DYNC1I1: variants seen among roughly 807,000 people sequenced by gnomAD.
DYNC1I1 encodes the protein dynein cytoplasmic 1 intermediate chain 1, also known as cytoplasmic dynein 1 intermediate chain 1.
Under a neutral mutation model 86.6 loss-of-function variants are expected in DYNC1I1, and 43 were observed. The observed-to-expected ratio is 0.50, with a 90% CI of 0.39 to 0.64. The LOEUF is 0.64. DYNC1I1 is among the 30% of genes least tolerant of loss of function. The pLI is 0.00. For synonymous variants in DYNC1I1, 262 were observed against 283.7 expected (o/e 0.92, Z 0.77); for missense variants, 604 against 788.8 (o/e 0.77, Z 2.81).
intron 14 of DYNC1I1, among the ~76,000 whole-genome samples, chr7:96,053,306 G>A (rs917903803): frequency 6.6e-6 from 1 of 152,194 alleles, no homozygotes; most frequent in Non-Finnish European, 1.5e-5. Flanking sequence ...GTGTATTTCT[G>A]TAAATACATT....
intron 4 of DYNC1I1, among the ~76,000 whole-genome samples, chr7:95,825,380 TAGTTG>T (rs1442718173): frequency 6.6e-6 from 1 of 152,146 alleles, no homozygotes; most frequent in African/African-American, 2.4e-5. Flanking sequence ...GGAGGTCAAA[TAGTTG>T]ATCCTACTCC....
At chr7:96,026,144 G>T (rs1213875484) in intron 10 of DYNC1I1, among the ~76,000 whole-genome samples, 2 of 152,132 alleles carry the variant, frequency 1.3e-5, no homozygotes, top group Non-Finnish European at 2.9e-5. Context: ...TCATTATTGA[G>T]AGTTATTCTT....
chr7:95,869,023 A>T (rs1790090446), intron 5 of DYNC1I1, among the ~76,000 whole-genome samples: 1 of 152,222 alleles, frequency 6.6e-6, no homozygotes, highest in South Asian at 2.1e-4. Context: ...TCGAGTTGGT[A>T]GGAAAACAAC....
rs1794364659 is a variant in DYNC1I1 at position 96,014,833 on chromosome 7, G to A, written c.970-13342G>A. Among the ~76,000 whole-genome samples the A allele has an allele frequency of 2.0e-5, 3 of 152,136 alleles. No individual in the cohort carries two copies. The South Asian group carries it at 6.2e-4, about 32-fold the overall frequency. On this transcript the variant is annotated intron_variant, in intron 10 of 16. Coordinates refer to ENST00000447467, the MANE Select transcript of DYNC1I1 (RefSeq NM_001135556.2). ...GATTGGATGAAGCCCAAACACAACT[G>A]AGTTAGATGCATATTAAATTACCTC...
At chr7:95,817,277 C>A (rs554429254) in intron 4 of DYNC1I1, among the ~76,000 whole-genome samples, 10 of 151,864 alleles carry the variant, frequency 6.6e-5, no homozygotes, top group African/African-American at 2.4e-4. Flanking sequence ...AATGAGGACA[C>A]TGAGATGCGC....
Position 95,943,561 on chromosome 7 carries a change from G to A in DYNC1I1, c.491-33951G>A, listed in dbSNP as rs560296526. Among the ~76,000 whole-genome samples, 108 of 79,550 alleles carry A rather than the reference G, an allele frequency of 1.4e-3. 3 individuals are homozygous for A. The highest frequency in any genetic ancestry group is 5.7e-3 in the Middle Eastern group (1 of 176). 52.2% of individuals were successfully genotyped at this position (79,550 alleles called of 152,430 possible). A position where few individuals can be genotyped will look rare whatever the true frequency, so the allele number is the denominator to read the frequency against. On this transcript the variant is annotated intron_variant, in intron 6 of 16. Coordinates refer to ENST00000447467, the MANE Select transcript of DYNC1I1 (RefSeq NM_001135556.2). Reference sequence around the variant, plus strand: ...ATGGAACCAAAAAAGAGCCCGCATTGCCAAGTCAATCCTAAGCCAAAAGAA... The same window carrying A: ...ATGGAACCAAAAAAGAGCCCGCATTACCAAGTCAATCCTAAGCCAAAAGAA...
chr7:95,958,575 A>G (rs1421863486), intron 6 of DYNC1I1, among the ~76,000 whole-genome samples: 1 of 152,146 alleles, frequency 6.6e-6, no homozygotes, highest in African/African-American at 2.4e-5. Context: ...AAAAAAAGAA[A>G]AGAAAAGGAA....
chr7:96,053,448 T>C (rs1384991835), intron 14 of DYNC1I1, among the ~76,000 whole-genome samples: 1 of 152,198 alleles, frequency 6.6e-6, no homozygotes, highest in African/African-American at 2.4e-5. Context: ...TAATTGTTTT[T>C]AAATTTGGGG....
At chr7:95,939,938 A>G (rs1486897460) in intron 6 of DYNC1I1, among the ~76,000 whole-genome samples, 9 of 152,002 alleles carry the variant, frequency 5.9e-5, no homozygotes, top group Non-Finnish European at 1.0e-4. Context: ...GCTGGTACCA[A>G]TTGTTCCTTT....
At chr7:95,985,300 C>G (rs1199926473) in intron 8 of DYNC1I1, among the ~76,000 whole-genome samples, 1 of 152,026 alleles carries the variant, frequency 6.6e-6, no homozygotes, top group African/African-American at 2.4e-5. Flanking sequence ...CATGTTGTAT[C>G]TACTAGATTT....
In DYNC1I1 at chr7:95,980,689, T is replaced by C. The variant is rs556314275; in HGVS notation, c.580+3088T>C. Reference sequence around the variant, plus strand: ...AACACTAAAGAAATGCAGTCTTGATTTATTACTGTTTCACTTTTTTCTGCC... The same window carrying C: ...AACACTAAAGAAATGCAGTCTTGATCTATTACTGTTTCACTTTTTTCTGCC... On this transcript the variant is annotated intron_variant, in intron 7 of 16. Transcript: ENST00000447467. Among the ~76,000 whole-genome samples, 4 of 152,096 alleles carry C rather than the reference T, an allele frequency of 2.6e-5. No homozygotes were observed. In the South Asian group the frequency reaches 8.3e-4, roughly 32 times the overall value.
At chr7:95,805,665 C>A (rs144901332) in intron 2 of DYNC1I1, among the ~76,000 whole-genome samples, 69 of 152,210 alleles carry the variant, frequency 4.5e-4, no homozygotes, top group African/African-American at 1.5e-3. Context: ...ATTTTTAATT[C>A]TCTAATTTGT....
At chr7:95,840,232 T>G (rs1028366997) in intron 5 of DYNC1I1, among the ~76,000 whole-genome samples, 1 of 152,090 alleles carries the variant, frequency 6.6e-6, no homozygotes, top group Non-Finnish European at 1.5e-5. Flanking sequence ...TACCCTGTAA[T>G]TCTCTTAATA....
intron 2 of DYNC1I1, among the ~76,000 whole-genome samples, chr7:95,808,235 T>C (rs1171628320): frequency 6.6e-6 from 1 of 152,186 alleles, no homozygotes; most frequent in East Asian, 1.9e-4. Flanking sequence ...TTATAAACTT[T>C]CTTTAGGCTT....
intron 7 of DYNC1I1, among the ~76,000 whole-genome samples, chr7:95,978,680 A>G (rs1222127018): frequency 2.6e-5 from 4 of 152,242 alleles, no homozygotes; most frequent in East Asian, 1.9e-4. Flanking sequence ...GGGTCTTTGT[A>G]GGAATTGATA....
intron 6 of DYNC1I1, among the ~76,000 whole-genome samples, chr7:95,921,203 C>A (rs1791602005): frequency 6.6e-6 from 1 of 152,036 alleles, no homozygotes; most frequent in African/African-American, 2.4e-5. Context: ...ACGACTTTTC[C>A]ATCCAAAAAC....
At chr7:95,973,245 A>G (rs182037731) in intron 6 of DYNC1I1, among the ~76,000 whole-genome samples, 3 of 152,352 alleles carry the variant, frequency 2.0e-5, no homozygotes, top group African/African-American at 7.2e-5. Context: ...CCAGAGTTTT[A>G]AAGAAAAATA....
At chr7:95,833,644 A>C (rs1237906579) in intron 5 of DYNC1I1, among the ~76,000 whole-genome samples, 275 of 149,332 alleles carry the variant, frequency 1.8e-3, no homozygotes, top group Admixed American at 3.5e-3. Context: ...CTTTTATTTC[A>C]TTGAGCAGTG....
At chr7:95,977,427 C>T in intron 6 of DYNC1I1, 85 bp from the exon 7 acceptor site, 1 of 1,262,716 alleles carries the variant, frequency 7.9e-7, no homozygotes, top group Non-Finnish European at 1.1e-6. Flanking sequence ...TGGAACTTTA[C>T]CCTTTACCCC....
Sources: gnomAD v4.1 joint callset for allele counts (sites outside exome capture counted in the v4.1 genomes callset) on GRCh38, gnomAD v4.1.1 for gene constraint, MANE v1.5 for transcripts, NCBI Gene and HGNC (gene_info 2026-07-23, HGNC 2026-07-21) for gene names.